The following RSU1 variants were observed in gnomAD, a reference collection of about 807,000 sequenced individuals.
The protein encoded by RSU1 is rsu-1.
In RSU1, 26 loss-of-function variants were observed where a neutral mutation model predicts 31.1. The ratio of observed to expected loss-of-function variants is 0.84; its 90% CI spans 0.61 to 1.16. The LOEUF (loss-of-function observed/expected upper bound fraction) is 1.16, where lower values mean the gene tolerates loss of function less well. Among genes scored for constraint, RSU1 ranks in the 50% most tolerant of loss-of-function variants. RSU1 has a pLI of 0.00. For synonymous variants in RSU1, 164 were observed against 136.3 expected (o/e 1.20, Z -1.41); for missense variants, 320 against 339.1 (o/e 0.94, Z 0.44).
chr10:16,771,001 A>G (rs1564351449), intron 3 of RSU1, among the ~76,000 whole-genome samples: 1 of 151,594 alleles, frequency 6.6e-6, no homozygotes, highest in African/African-American at 2.4e-5. Context: ...GTCTGTTGTC[A>G]TAACAAATGA....
intron 7 of RSU1, among the ~76,000 whole-genome samples, chr10:16,729,878 A>G (rs1274594493): frequency 6.6e-6 from 1 of 152,192 alleles, no homozygotes; most frequent in Non-Finnish European, 1.5e-5. Context: ...TGAATGTAAC[A>G]GACTTGGAAA....
chr10:16,652,216 G>A, intron 8 of RSU1, among the ~76,000 whole-genome samples: 1 of 151,976 alleles, frequency 6.6e-6, no homozygotes, highest in African/African-American at 2.4e-5. Context: ...AGAGATGCTA[G>A]GAAGATAATA....
intron 3 of RSU1, among the ~76,000 whole-genome samples, chr10:16,775,361 G>A (rs1324366337): frequency 6.6e-6 from 1 of 152,142 alleles, no homozygotes; most frequent in Non-Finnish European, 1.5e-5. Context: ...GCCTGCCACC[G>A]TTCTGAAGTT....
chr10:16,614,392 T>G (rs1481096676), intron 8 of RSU1, among the ~76,000 whole-genome samples: 2 of 151,380 alleles, frequency 1.3e-5, no homozygotes, highest in African/African-American at 4.9e-5. Flanking sequence ...GGAGGAAAAG[T>G]AGCAATGGTT....
chr10:16,724,979 A>C (rs1365439428), intron 7 of RSU1, among the ~76,000 whole-genome samples: 12 of 152,248 alleles, frequency 7.9e-5, no homozygotes, highest in Admixed American at 7.8e-4. Flanking sequence ...CAATGATATT[A>C]GAAGCTGAAG....
chr10:16,719,509 C>A (rs72774628), intron 7 of RSU1, among the ~76,000 whole-genome samples: 8,054 of 152,254 alleles, frequency 0.053, 358 homozygotes, highest in African/African-American at 0.13. Context: ...TTTGCTGTCA[C>A]CTCTTCAGAG....
At chr10:16,752,712 A>C in intron 6 of RSU1, 59 bp from the exon 7 acceptor site, 1 of 1,293,320 alleles carries the variant, frequency 7.7e-7, no homozygotes, top group Non-Finnish European at 1.1e-6. Context: ...CTCCACAGAA[A>C]CTCTCATCCT....
intron 8 of RSU1, among the ~76,000 whole-genome samples, chr10:16,618,158 AG>A (rs1834010649): frequency 6.6e-6 from 1 of 152,218 alleles, no homozygotes; most frequent in Admixed American, 6.5e-5. Flanking sequence ...CCTACCAAAA[AG>A]TGGGCAAAGG....
intron 7 of RSU1, among the ~76,000 whole-genome samples, chr10:16,729,520 T>C (rs768221621): frequency 1.7e-4 from 26 of 152,084 alleles, no homozygotes; most frequent in Admixed American, 7.9e-4. Flanking sequence ...GTATGCTAGA[T>C]GGCCAAGGAA....
chr10:16,608,782 TA>T (rs1038346669), intron 8 of RSU1, among the ~76,000 whole-genome samples: 1 of 151,972 alleles, frequency 6.6e-6, no homozygotes, highest in Non-Finnish European at 1.5e-5. Context: ...ATGAAGAGTT[TA>T]AAGTTTAAAA....
chr10:16,648,821 C>T (rs1834626629), intron 8 of RSU1, among the ~76,000 whole-genome samples: 1 of 150,778 alleles, frequency 6.6e-6, no homozygotes, highest in South Asian at 2.1e-4. Context: ...AATAGCTTTG[C>T]TTTACTATTA....
chr10:16,659,741 T>C lies in RSU1; in HGVS notation c.731+35282A>G, dbSNP rs933729494. Among the ~76,000 whole-genome samples the C allele has an allele frequency of 2.6e-5, 4 of 152,226 alleles. No homozygotes were observed. In the East Asian group the frequency reaches 7.7e-4, roughly 29 times the overall value. On this transcript the variant is annotated intron_variant, in intron 8 of 8. Coordinates refer to ENST00000345264, the MANE Select transcript of RSU1 (RefSeq NM_012425.4). ...GGAGGGTTTTTGTTATTTCTGACCC[T>C]TCACTCTTCCAAATAACTGCAGAAT...
intron 7 of RSU1, among the ~76,000 whole-genome samples, chr10:16,700,124 T>A (rs774508723): frequency 3.9e-5 from 6 of 152,142 alleles, no homozygotes; most frequent in Non-Finnish European, 8.8e-5. Flanking sequence ...TCTTCCTGAG[T>A]ATTCAAAATC....
In RSU1 at chr10:16,641,831, C is replaced by T. The variant is rs113165481; in HGVS notation, c.732-48335G>A. On this transcript the variant is annotated intron_variant, in intron 8 of 8. Transcript: ENST00000345264. Reference sequence around the variant, plus strand: ...ATCCAGGCAGGAGAGCAGGAAGGCACGGGCTGGGTTGTACAGTTTGGCTCT... The same window carrying T: ...ATCCAGGCAGGAGAGCAGGAAGGCATGGGCTGGGTTGTACAGTTTGGCTCT... 1.5e-3 allele frequency among the ~76,000 whole-genome samples: 230 copies of T among 152,280 alleles called. 1 individual carries two copies. The highest frequency in any genetic ancestry group is 9.9e-3 in the Admixed American group (151 of 15,292).
At chr10:16,783,650 G>A (rs1187257766) in intron 2 of RSU1, among the ~76,000 whole-genome samples, 17 of 140,174 alleles carry the variant, frequency 1.2e-4, no homozygotes, top group South Asian at 2.3e-4. Flanking sequence ...CACCGAGTCC[G>A]GCCGCATGTT....
chr10:16,718,419 CATTTT>C (rs1238250775), intron 7 of RSU1, among the ~76,000 whole-genome samples: 2 of 152,086 alleles, frequency 1.3e-5, no homozygotes, highest in Admixed American at 6.5e-5. Context: ...TTGTATTTAT[CATTTT>C]ATTTGATTAT....
In RSU1 at chr10:16,751,173, C is replaced by G. The variant is rs115847160; in HGVS notation, c.598+1366G>C. 6.2e-3 allele frequency among the ~76,000 whole-genome samples: 947 copies of G among 152,208 alleles called. 7 individuals are homozygous for G. The highest frequency in any genetic ancestry group is 0.02 in the African/African-American group (849 of 41,532). On this transcript the variant is annotated intron_variant, in intron 7 of 8. Transcript: ENST00000345264. Reference sequence around the variant, plus strand: ...GGAGCCACCGTGCCCGGCCCGAGATCTCTCCTTTAACAAGAAGTTTTTTGC... The same window carrying G: ...GGAGCCACCGTGCCCGGCCCGAGATGTCTCCTTTAACAAGAAGTTTTTTGC...
At chr10:16,752,871 G>C in intron 6 of RSU1, 47 bp downstream of exon 6, 1 of 1,516,576 alleles carries the variant, frequency 6.6e-7, no homozygotes, top group Non-Finnish European at 9.2e-7. Flanking sequence ...CCCCTACAAG[G>C]CTGCAGCAGT....
chr10:16,732,806 T>C (rs1329246543), intron 7 of RSU1, among the ~76,000 whole-genome samples: 1 of 152,208 alleles, frequency 6.6e-6, no homozygotes, highest in South Asian at 2.1e-4. Flanking sequence ...GTCATACCTT[T>C]TGTGCCTTTC....
Sources: gnomAD v4.1 joint callset for allele counts (sites outside exome capture counted in the v4.1 genomes callset) on GRCh38, gnomAD v4.1.1 for gene constraint, MANE v1.5 for transcripts, NCBI Gene and HGNC (gene_info 2026-07-23, HGNC 2026-07-21) for gene names.